The following GNB4 variants were observed in gnomAD, a reference collection of about 807,000 sequenced individuals.
GNB4 encodes the protein guanine nucleotide-binding protein subunit beta-4.
GNB4 carries 28 observed loss-of-function variants against 45.2 expected under a neutral mutation model. The ratio of observed to expected loss-of-function variants is 0.62; its 90% CI spans 0.46 to 0.85. The LOEUF (loss-of-function observed/expected upper bound fraction) is 0.85, where lower values mean the gene tolerates loss of function less well. GNB4 is among the 40% of genes least tolerant of loss of function. The probability of loss-of-function intolerance (pLI) is 0.00; values close to 1 mark genes in which losing one functional copy is unlikely to be tolerated. For synonymous variants in GNB4, 132 were observed against 143.7 expected, an observed-to-expected ratio of 0.92 and a Z score of 0.58; for missense variants, 321 against 425.4, an observed-to-expected ratio of 0.75 and a Z score of 2.16.
At chr3:179,508,936 A>ATATATATATATATAG in the GNB4 span, among the ~76,000 whole-genome samples, 1 of 138,488 alleles carries the variant, frequency 7.2e-6, no homozygotes, top group Non-Finnish European at 1.5e-5. Context: ...GCATGTGTAT[A>ATATATATATATATAG]TATATATATA....
chr3:179,417,681 C>T (rs2108594008), intron 4 of GNB4, among the ~76,000 whole-genome samples: 1 of 152,208 alleles, frequency 6.6e-6, no homozygotes, highest in Admixed American at 6.5e-5. Flanking sequence ...GCCACCATGC[C>T]CAGCCTTGTT....
Position 179,397,957 on chromosome 3 carries a change from C to T in GNB4, c.*3256G>A, listed in dbSNP as rs976654904. On this transcript the variant is annotated 3_prime_UTR_variant, in exon 10 of 10. Coordinates refer to ENST00000232564, the MANE Select transcript of GNB4 (RefSeq NM_021629.4). ...TCTTGGCCAGGCTGGTCTTGAACTC[C>T]TGACCTCGTGATCCACCTGCCTCGG... 1 of 151,926 alleles carries T rather than the reference C, an allele frequency of 6.6e-6. No individual in the cohort carries two copies. The highest frequency in any genetic ancestry group is 2.4e-5 in the African/African-American group (1 of 41,374). The allele number at this position is 151,926 out of a possible 1,614,324, so 9.4% of individuals were successfully genotyped here.
intron 4 of GNB4, among the ~76,000 whole-genome samples, chr3:179,417,134 A>C (rs979263486): frequency 6.6e-6 from 1 of 152,194 alleles, no homozygotes; most frequent in Non-Finnish European, 1.5e-5. Flanking sequence ...TAGATGAGTT[A>C]ATCACAAGAG....
chr3:179,401,099 A>G lies in GNB4; in HGVS notation c.*114T>C. The stretch of plus-strand genomic sequence containing the variant: ...TTACTGAAAGCTTGTTTTTGTAGAT[A>G]ATCTAATAGAAAAATCTTCACCTGC... On this transcript the variant is annotated 3_prime_UTR_variant, in exon 10 of 10. Coordinates refer to ENST00000232564, the MANE Select transcript of GNB4 (RefSeq NM_021629.4). 1.6e-6 allele frequency: 1 copy of G among 606,422 alleles called. No homozygotes were observed. Among genetic ancestry groups the G allele is most frequent in the Non-Finnish European group, 2.6e-6 (1 of 390,442 alleles). The allele number at this position is 606,422 out of a possible 1,614,324, so 37.6% of individuals were successfully genotyped here. A position where few individuals can be genotyped will look rare whatever the true frequency, so the allele number is the denominator to read the frequency against.
At chr3:179,491,094 C>T in the GNB4 span, among the ~76,000 whole-genome samples, 4 of 152,076 alleles carry the variant, frequency 2.6e-5, no homozygotes, top group Non-Finnish European at 2.9e-5. Flanking sequence ...CTCTAAGAAG[C>T]AAGGGTAAAC....
chr3:179,523,196 G>A, the GNB4 span, among the ~76,000 whole-genome samples: 79 of 152,254 alleles, frequency 5.2e-4, no homozygotes, highest in Middle Eastern at 6.8e-3. Context: ...GGGAGAGCAC[G>A]TGTGTTTTCA....
At chr3:179,485,429 C>T in the GNB4 span, among the ~76,000 whole-genome samples, 33 of 152,136 alleles carry the variant, frequency 2.2e-4, no homozygotes, top group African/African-American at 7.5e-4. Flanking sequence ...AAGACTAGCC[C>T]TGTACTGTAT....
rs1203338760 is a variant in GNB4, at chr3:179,414,874, G to C, written c.430+11C>G. The C allele has an allele frequency of 1.3e-6, 2 of 1,558,084 alleles. No homozygotes were observed. Among genetic ancestry groups the C allele is most frequent in the Non-Finnish European group, 1.8e-6 (2 of 1,140,832 alleles). ...ATCGTGTGGTGGGAAAGAATATTTA[G>C]GGAAGCTCACCTGTGTGACCTGGCA... On this transcript the variant is annotated intron_variant, in intron 6 of 9. Coordinates refer to ENST00000232564, the MANE Select transcript of GNB4 (RefSeq NM_021629.4).
the GNB4 span, among the ~76,000 whole-genome samples, chr3:179,501,133 T>C: frequency 1.3e-5 from 2 of 152,190 alleles, no homozygotes; most frequent in African/African-American, 4.8e-5. Flanking sequence ...AAGGGGAATC[T>C]GTGCAACACC....
chr3:179,419,407 G>A lies in GNB4; in HGVS notation c.195C>T (p.Tyr65=), dbSNP rs768164095. Residue 65 remains tyrosine, a synonymous_variant, in exon 4 of 10, where the codon TAC becomes TAT. Coordinates refer to ENST00000232564, the MANE Select transcript of GNB4 (RefSeq NM_021629.4). ...LAKIYAMHWG[Y]DSRLLVSASQ... Reference sequence around the variant, plus strand: ...TAATGACAGGTACAAACCTGGAATCGTATCCCCAATGCATAGCATAGATTT... The same window carrying A: ...TAATGACAGGTACAAACCTGGAATCATATCCCCAATGCATAGCATAGATTT... The A allele has an allele frequency of 2.3e-5, 36 of 1,589,464 alleles. No homozygotes were observed. The highest frequency in any genetic ancestry group is 1.2e-4 in the Admixed American group (7 of 59,898).
At chr3:179,454,298 G>T (rs906131838), upstream of GNB4, among the ~76,000 whole-genome samples, 1 of 152,140 alleles carries the variant, frequency 6.6e-6, no homozygotes, top group Non-Finnish European at 1.5e-5. Flanking sequence ...CTTTGTGTCT[G>T]CCATAGTGTT....
the GNB4 span, among the ~76,000 whole-genome samples, chr3:179,488,724 C>T: frequency 6.6e-6 from 1 of 151,710 alleles, no homozygotes; most frequent in Admixed American, 6.6e-5. Context: ...GCGGTTCAGG[C>T]CTGTAATCTT....
chr3:179,510,116 C>T, the GNB4 span, among the ~76,000 whole-genome samples: 2 of 151,934 alleles, frequency 1.3e-5, no homozygotes, highest in Non-Finnish European at 2.9e-5. Flanking sequence ...AGGTGTGAGC[C>T]ACAGTGCCCA....
At position 179,396,266 on chromosome 3, in the gene GNB4, TC is replaced by T. The variant is rs1577021178; in HGVS notation, c.*4946del. Reference sequence around the variant, plus strand: ...AGCCTTAATCTAACACGTTTACCCTTCCCATAATTAGACTACTACTGACATT... The same window carrying T: ...AGCCTTAATCTAACACGTTTACCCTTCCATAATTAGACTACTACTGACATT... On this transcript the variant is annotated 3_prime_UTR_variant, in exon 10 of 10. Coordinates refer to ENST00000232564, the MANE Select transcript of GNB4 (RefSeq NM_021629.4). The T allele has an allele frequency of 1.3e-5, 2 of 152,278 alleles. No individual in the cohort carries two copies. The highest frequency in any genetic ancestry group is 3.9e-4 in the East Asian group (2 of 5,188). 9.4% of individuals were successfully genotyped at this position (152,278 alleles called of 1,614,324 possible). A position where few individuals can be genotyped will look rare whatever the true frequency, so the allele number is the denominator to read the frequency against.
chr3:179,439,693 TAA>T (rs142223646), intron 1 of GNB4, among the ~76,000 whole-genome samples: 3,821 of 151,264 alleles, frequency 0.025, 134 homozygotes, highest in African/African-American at 0.079. Flanking sequence ...TTGTCTTATG[TAA>T]AAATACAGAT....
intron 8 of GNB4, among the ~76,000 whole-genome samples, chr3:179,407,130 A>G (rs1475191856): frequency 2.6e-5 from 4 of 152,330 alleles, no homozygotes; most frequent in Middle Eastern, 3.4e-3. Flanking sequence ...AAAACATTGG[A>G]TATCAGTCAA....
the GNB4 span, among the ~76,000 whole-genome samples, chr3:179,518,758 T>TA: frequency 1.9e-3 from 291 of 152,274 alleles, no homozygotes; most frequent in Middle Eastern, 6.8e-3. Context: ...TCATCAAATA[T>TA]AAAAAACCAG....
chr3:179,487,739 A>C, the GNB4 span, among the ~76,000 whole-genome samples: 14 of 152,130 alleles, frequency 9.2e-5, no homozygotes, highest in African/African-American at 3.4e-4. Flanking sequence ...ACTGGCCTCA[A>C]GATCAGCAAT....
At chr3:179,498,713 G>A in the GNB4 span, among the ~76,000 whole-genome samples, 20 of 149,622 alleles carry the variant, frequency 1.3e-4, no homozygotes, top group African/African-American at 3.9e-4. Context: ...GATTACAGGC[G>A]TGAGCCACCG....
Sources: gnomAD v4.1 joint callset for allele counts (sites outside exome capture counted in the v4.1 genomes callset) on GRCh38, gnomAD v4.1.1 for gene constraint, MANE v1.5 for transcripts, NCBI Gene and HGNC (gene_info 2026-07-23, HGNC 2026-07-21) for gene names.